ARL15: variants seen among roughly 807,000 people sequenced by gnomAD.
ARL15 encodes ADP-ribosylation factor-like protein 15.
A neutral mutation model predicts 25.2 loss-of-function variants in ARL15; 19 were observed. The observed-to-expected ratio is 0.75, with a 90% CI of 0.53 to 1.10. The LOEUF (loss-of-function observed/expected upper bound fraction) is 1.10. ARL15 is among the 50% of genes least tolerant of loss of function. ARL15 has a pLI of 0.00. For synonymous variants in ARL15, 94 were observed against 86.8 expected (o/e 1.08, Z -0.46); for missense variants, 220 against 246.0 (o/e 0.89, Z 0.71).
chr5:54,098,817 C>G (rs929606952), intron 4 of ARL15, among the ~76,000 whole-genome samples: 2 of 152,082 alleles, frequency 1.3e-5, no homozygotes, highest in Admixed American at 6.5e-5. Context: ...CCAAAGAAAA[C>G]CCATTCTAGG....
intron 1 of ARL15, among the ~76,000 whole-genome samples, chr5:54,185,400 C>T (rs534565288): frequency 5.1e-4 from 78 of 152,262 alleles, no homozygotes; most frequent in Non-Finnish European, 7.8e-4. Context: ...CCCTGAGTAT[C>T]TTTTCTATTT....
chr5:53,949,400 T>G (rs1580109573), intron 4 of ARL15, among the ~76,000 whole-genome samples: 1 of 152,220 alleles, frequency 6.6e-6, no homozygotes, highest in African/African-American at 2.4e-5. Context: ...AACAGGAAGT[T>G]GCCTAAAAAG....
chr5:54,230,839 A>G (rs1156956901), intron 1 of ARL15, among the ~76,000 whole-genome samples: 1 of 152,108 alleles, frequency 6.6e-6, no homozygotes. Context: ...CTTTTGCCAT[A>G]TTTTCTATTT....
intron 1 of ARL15, among the ~76,000 whole-genome samples, chr5:54,284,930 T>C (rs1354861985): frequency 6.6e-6 from 1 of 152,234 alleles, no homozygotes; most frequent in Non-Finnish European, 1.5e-5. Context: ...GATCACAGTA[T>C]ATGAACTGGT....
At chr5:54,267,808 T>C (rs1220839075) in intron 1 of ARL15, among the ~76,000 whole-genome samples, 2 of 152,156 alleles carry the variant, frequency 1.3e-5, no homozygotes, top group African/African-American at 4.8e-5. Context: ...CACTCTCTTC[T>C]CGCTTGTAGA....
intron 4 of ARL15, among the ~76,000 whole-genome samples, chr5:54,019,093 A>C (rs1460198456): frequency 6.6e-6 from 1 of 152,090 alleles, no homozygotes; most frequent in Non-Finnish European, 1.5e-5. Context: ...ATGTTAATTT[A>C]TTTATAAAAT....
At chr5:54,021,569 T>C (rs1303157734) in intron 4 of ARL15, among the ~76,000 whole-genome samples, 2 of 152,052 alleles carry the variant, frequency 1.3e-5, no homozygotes, top group Non-Finnish European at 2.9e-5. Flanking sequence ...CAACAGAAAT[T>C]ACTCAATCTG....
intron 4 of ARL15, among the ~76,000 whole-genome samples, chr5:53,923,770 C>G (rs1249028002): frequency 6.6e-6 from 1 of 152,130 alleles, no homozygotes; most frequent in East Asian, 1.9e-4. Flanking sequence ...GAGGCTGAGG[C>G]AGGAGAATGG....
intron 4 of ARL15, among the ~76,000 whole-genome samples, chr5:54,104,558 T>C (rs963001989): frequency 1.3e-5 from 2 of 152,158 alleles, no homozygotes; most frequent in African/African-American, 4.8e-5. Context: ...TAATTAGTTA[T>C]AGTTATTTTT....
At position 54,080,932 on chromosome 5, in the gene ARL15, G is replaced by A. The variant is rs560593911; in HGVS notation, c.462+32270C>T. Among the ~76,000 whole-genome samples, 13 of 152,314 alleles carry A rather than the reference G, an allele frequency of 8.5e-5. No homozygotes were observed. The South Asian group carries it at 2.7e-3, about 32-fold the overall frequency. ...TTTCTGGTGAGACCTCTCCTGGCATGCAGATGGCCACTTCCTAGCTGTGTC... is the reference window on the plus strand; with the variant it reads ...TTTCTGGTGAGACCTCTCCTGGCATACAGATGGCCACTTCCTAGCTGTGTC... On this transcript the variant is annotated intron_variant, in intron 4 of 4. Transcript: ENST00000504924.
At chr5:54,126,174 T>C (rs777063850) in intron 3 of ARL15, among the ~76,000 whole-genome samples, 6 of 152,288 alleles carry the variant, frequency 3.9e-5, no homozygotes, top group Non-Finnish European at 5.9e-5. Flanking sequence ...GGAAAGTCTT[T>C]ACTCACATTG....
In ARL15 at chr5:54,171,791, C is replaced by A; in HGVS notation, c.186G>T (p.Ser62=). ...LCSESPDNVV[S]TTGFSIKAVP... is the part of the protein sequence containing the mutation. The stretch of plus-strand genomic sequence containing the variant: ...CCCCAGCACAGTACCCACCTGTGGT[C>A]GACACGACGTTATCGGGGCTTTCAC... Residue 62 remains serine (S), a synonymous_variant, in exon 2 of 5, where the codon TCG becomes TCT. Transcript: ENST00000504924. 1 of 1,611,792 alleles carries A rather than the reference C, an allele frequency of 6.2e-7. No homozygotes were observed. Among genetic ancestry groups the A allele is most frequent in the Non-Finnish European group, 8.5e-7 (1 of 1,178,940 alleles).
chr5:54,090,574 T>C (rs1561220188), intron 4 of ARL15, among the ~76,000 whole-genome samples: 1 of 152,020 alleles, frequency 6.6e-6, no homozygotes, highest in African/African-American at 2.4e-5. Context: ...AGTGGAGACA[T>C]TGCCATTTGC....
chr5:54,253,282 G>A (rs1406655427), intron 1 of ARL15, among the ~76,000 whole-genome samples: 1 of 151,986 alleles, frequency 6.6e-6, no homozygotes, highest in Non-Finnish European at 1.5e-5. Flanking sequence ...TGCCTCTCTT[G>A]GGCCTGAAAA....
At chr5:54,141,895 A>G (rs1753792725) in intron 3 of ARL15, among the ~76,000 whole-genome samples, 1 of 152,232 alleles carries the variant, frequency 6.6e-6, no homozygotes, top group Admixed American at 6.5e-5. Flanking sequence ...TGCATGTATC[A>G]ATAGTTCATT....
chr5:54,067,245 G>A (rs1751266261), intron 4 of ARL15: 1 of 152,654 alleles, frequency 6.6e-6, no homozygotes. Context: ...TTTAGGAAGA[G>A]ATGGGAAGAG....
intron 3 of ARL15, among the ~76,000 whole-genome samples, chr5:54,150,673 C>T (rs1219050839): frequency 6.6e-6 from 1 of 152,028 alleles, no homozygotes; most frequent in Non-Finnish European, 1.5e-5. Context: ...TGGCTCATGC[C>T]TGTAAACCCA....
intron 1 of ARL15, among the ~76,000 whole-genome samples, chr5:54,295,499 G>A (rs1488825466): frequency 3.3e-5 from 5 of 152,142 alleles, no homozygotes; most frequent in Admixed American, 2.6e-4. Flanking sequence ...CCCTGAAAGA[G>A]TCAGGAAATG....
At chr5:54,263,144 T>G (rs780847928) in intron 1 of ARL15, among the ~76,000 whole-genome samples, 5 of 152,200 alleles carry the variant, frequency 3.3e-5, no homozygotes, top group Non-Finnish European at 5.9e-5. Context: ...TTAGTTTTTT[T>G]TTTAAAGTAT....
Sources: gnomAD v4.1 joint callset for allele counts (sites outside exome capture counted in the v4.1 genomes callset) on GRCh38, gnomAD v4.1.1 for gene constraint, MANE v1.5 for transcripts, NCBI Gene and HGNC (gene_info 2026-07-23, HGNC 2026-07-21) for gene names.